The following NPSR1 variants were observed in gnomAD, a reference collection of about 807,000 sequenced individuals.
The protein encoded by NPSR1 is neuropeptide S receptor.
NPSR1 carries 48 observed loss-of-function variants against 46.9 expected under a neutral mutation model. The ratio of observed to expected loss-of-function variants is 1.02; its 90% CI spans 0.81 to 1.30. The LOEUF is 1.30. NPSR1 is among the 50% of genes most tolerant of loss of function. The pLI is 0.00. For synonymous variants in NPSR1, 176 were observed against 168.1 expected, an observed-to-expected ratio of 1.05 and a Z score of -0.36; for missense variants, 450 against 449.5, an observed-to-expected ratio of 1.00 and a Z score of -0.01.
chr7:34,854,055 A>G (rs772921221), downstream of NPSR1, among the ~76,000 whole-genome samples: 49 of 152,260 alleles, frequency 3.2e-4, 2 homozygotes, highest in Non-Finnish European at 2.4e-4. Context: ...GTTAGTTTCA[A>G]GTTCCTTGAA....
intron 1 of NPSR1, among the ~76,000 whole-genome samples, chr7:34,669,320 T>C (rs1791917700): frequency 1.3e-5 from 2 of 152,200 alleles, no homozygotes; most frequent in South Asian, 4.1e-4. Context: ...CCCAGCACTT[T>C]GGGAGATCAA....
intron 2 of NPSR1, among the ~76,000 whole-genome samples, chr7:34,704,611 G>A (rs1165193544): frequency 6.6e-6 from 1 of 152,178 alleles, no homozygotes; most frequent in Admixed American, 6.5e-5. Flanking sequence ...ATGAGAACAA[G>A]CAATGGCTAT....
At chr7:34,810,820 A>G (rs751390251) in intron 3 of NPSR1, among the ~76,000 whole-genome samples, 19 of 152,310 alleles carry the variant, frequency 1.2e-4, no homozygotes, top group Middle Eastern at 6.8e-3. Context: ...ATTGTCACTC[A>G]TCATGGCCAG....
intron 3 of NPSR1, among the ~76,000 whole-genome samples, chr7:34,809,526 C>T (rs1788880720): frequency 6.8e-6 from 1 of 146,032 alleles, no homozygotes; most frequent in East Asian, 2.0e-4. Context: ...TGCAGTGGCG[C>T]AATCTCGGCT....
At chr7:34,786,613 G>T (rs932390628) in intron 3 of NPSR1, among the ~76,000 whole-genome samples, 11 of 152,102 alleles carry the variant, frequency 7.2e-5, no homozygotes, top group African/African-American at 2.7e-4. Context: ...GGCAGCCATG[G>T]CCTTACAAAA....
intron 8 of NPSR1, among the ~76,000 whole-genome samples, chr7:34,865,030 A>C (rs1388871886): frequency 6.6e-6 from 1 of 151,782 alleles, no homozygotes; most frequent in Non-Finnish European, 1.5e-5. Flanking sequence ...AAAATTTCTC[A>C]AGTGTGTTTC....
chr7:34,805,479 C>CAAAAA (rs57776086), intron 3 of NPSR1, among the ~76,000 whole-genome samples: 22 of 71,926 alleles, frequency 3.1e-4, no homozygotes, highest in African/African-American at 6.0e-4. Flanking sequence ...TATCCACATG[C>CAAAAA]AAAAAAAAAA....
At chr7:34,689,957 A>T (rs368225555) in intron 2 of NPSR1, among the ~76,000 whole-genome samples, 228 of 112,930 alleles carry the variant, frequency 2.0e-3, no homozygotes, top group Non-Finnish European at 4.0e-3. Flanking sequence ...AAAAAAATTA[A>T]AAAAAAAAAA....
chr7:34,761,864 C>T (rs1786189451), intron 2 of NPSR1, among the ~76,000 whole-genome samples: 1 of 152,170 alleles, frequency 6.6e-6, no homozygotes. Context: ...GAAATTTCCC[C>T]TTAAGTGGAG....
intron 3 of NPSR1, among the ~76,000 whole-genome samples, chr7:34,784,934 A>G (rs889610445): frequency 8.5e-5 from 13 of 152,092 alleles, no homozygotes; most frequent in African/African-American, 2.4e-4. Flanking sequence ...CTGTTGGCAG[A>G]ACTGTAAACT....
chr7:34,864,822 A>G (rs912561504), intron 8 of NPSR1, among the ~76,000 whole-genome samples: 2 of 151,910 alleles, frequency 1.3e-5, no homozygotes, highest in African/African-American at 4.9e-5. Context: ...GCCTGCTAAC[A>G]ATGAACTCTG....
chr7:34,675,247 T>C (rs976695940), intron 1 of NPSR1, among the ~76,000 whole-genome samples: 3 of 152,202 alleles, frequency 2.0e-5, no homozygotes, highest in African/African-American at 7.2e-5. Context: ...ACCTACTACA[T>C]ACATTACAAA....
chr7:34,793,026 A>G (rs1021589090), intron 3 of NPSR1, among the ~76,000 whole-genome samples: 8 of 151,754 alleles, frequency 5.3e-5, no homozygotes, highest in Middle Eastern at 3.2e-3. Context: ...CTCTACAAAA[A>G]GTAAAAATAA....
At position 34,743,637 on chromosome 7, in the gene NPSR1, A is replaced by G. The variant is rs1038136642; in HGVS notation, c.281-34825A>G. Reference sequence around the variant, plus strand: ...GTATTTTTAGTACAGACGGGGTTTAACCATCTTGGCCAGGCTGGTCTTGAA... The same window carrying G: ...GTATTTTTAGTACAGACGGGGTTTAGCCATCTTGGCCAGGCTGGTCTTGAA... On this transcript the variant is annotated intron_variant, in intron 2 of 8. Transcript: ENST00000360581. Among the ~76,000 whole-genome samples, 119 of 152,154 alleles carry G rather than the reference A, an allele frequency of 7.8e-4. 1 individual carries two copies. The highest frequency in any genetic ancestry group is 2.7e-3 in the African/African-American group (113 of 41,518).
At chr7:34,876,853 G>T (rs1033790537) in intron 8 of NPSR1, among the ~76,000 whole-genome samples, 14 of 152,192 alleles carry the variant, frequency 9.2e-5, no homozygotes, top group African/African-American at 3.4e-4. Context: ...GAAATGCTCT[G>T]ACAGCAGAAA....
chr7:34,756,494 T>C lies in NPSR1; in HGVS notation c.281-21968T>C, dbSNP rs1049497465. Among the ~76,000 whole-genome samples the C allele has an allele frequency of 2.6e-5, 4 of 152,156 alleles. 1 individual carries two copies. The South Asian group carries it at 8.3e-4, about 32-fold the overall frequency. On this transcript the variant is annotated intron_variant, in intron 2 of 8. Coordinates refer to ENST00000360581, the MANE Select transcript of NPSR1 (RefSeq NM_207172.2). ...TCTGTAAAGGCCCAGATATTAAATA[T>C]TTTAGGCTTTGCAGGTCCTATGATC...
intron 1 of NPSR1, among the ~76,000 whole-genome samples, chr7:34,675,074 C>T (rs1234896705): frequency 6.6e-6 from 1 of 152,166 alleles, no homozygotes; most frequent in Non-Finnish European, 1.5e-5. Flanking sequence ...ACCTAATGAG[C>T]CAGTAACCCA....
intron 8 of NPSR1, among the ~76,000 whole-genome samples, chr7:34,868,595 C>G (rs140234623): frequency 0.013 from 1,957 of 151,616 alleles, 84 homozygotes; most frequent in African/African-American, 0.038. Flanking sequence ...AACTTGCTCT[C>G]GGCAGAAGAG....
At chr7:34,842,729 A>T (rs193164191) in intron 6 of NPSR1, among the ~76,000 whole-genome samples, 75 of 152,352 alleles carry the variant, frequency 4.9e-4, no homozygotes, top group Admixed American at 8.5e-4. Context: ...AAGAGCCCCT[A>T]TTCCTGTTAC....
Sources: allele counts gnomAD v4.1 joint callset (sites outside exome capture counted in the v4.1 genomes callset), GRCh38; gene constraint gnomAD v4.1.1; transcripts MANE v1.5; gene names NCBI Gene and HGNC (gene_info 2026-07-23, HGNC 2026-07-21).